GAB2: variants seen among roughly 807,000 people sequenced by gnomAD.
GAB2 encodes the protein GRB2 associated binding protein 2, also known as GRB2-associated-binding protein 2.
In GAB2, 26 loss-of-function variants were observed where a neutral mutation model predicts 65.5. The observed-to-expected ratio is 0.40, with a 90% CI of 0.29 to 0.55. The LOEUF (loss-of-function observed/expected upper bound fraction) is 0.55, where lower values mean the gene tolerates loss of function less well. Among genes scored for constraint, GAB2 ranks in the 20% least tolerant of loss-of-function variants. The pLI is 0.53. For synonymous variants in GAB2, 321 were observed against 329.6 expected (o/e 0.97, Z 0.28); for missense variants, 884 against 875.8 (o/e 1.01, Z -0.12).
intron 3 of GAB2, among the ~76,000 whole-genome samples, chr11:78,243,164 G>GAA (rs937159611): frequency 7.4e-6 from 1 of 135,134 alleles, no homozygotes. Flanking sequence ...ACTCTGTCTA[G>GAA]AAAAAAAAAA....
intron 3 of GAB2, among the ~76,000 whole-genome samples, chr11:78,244,250 G>T (rs531615654): frequency 7.2e-5 from 11 of 152,090 alleles, no homozygotes; most frequent in Non-Finnish European, 1.5e-4. Context: ...AAATTGGCCA[G>T]GCATGGTGGT....
intron 1 of GAB2, among the ~76,000 whole-genome samples, chr11:78,383,171 C>T (rs531693043): frequency 1.2e-4 from 19 of 152,220 alleles, no homozygotes; most frequent in Admixed American, 6.5e-5. Context: ...ACTTGGGAGG[C>T]TGAGGCAGAA....
chr11:78,223,573 C>G lies in GAB2; in HGVS notation c.1406G>C (p.Gly469Ala). The G allele has an allele frequency of 6.2e-7, 1 of 1,613,800 alleles. No individual in the cohort carries two copies. Among genetic ancestry groups the G allele is most frequent in the South Asian group, 1.1e-5 (1 of 91,000 alleles). ...SSTLLAMERA[G>A]DNSQSVYIPM... ...GATGTAGACGCTCTGGGAATTATCA[C>G]CTGCTCGTTCCATGGCCAACAGGGT... is the stretch of plus-strand genomic sequence containing the variant. The change falls in exon 6 of 10, where the codon GGT becomes GCT. Residue 469 changes from glycine to alanine, a missense_variant. Coordinates refer to ENST00000361507, the MANE Select transcript of GAB2 (RefSeq NM_080491.3).
chr11:78,316,996 A>G (rs1427805463), intron 1 of GAB2, among the ~76,000 whole-genome samples: 3 of 152,242 alleles, frequency 2.0e-5, no homozygotes, highest in Admixed American at 6.5e-5. Flanking sequence ...AGCAGGGATG[A>G]ACCTTAAGGG....
intron 1 of GAB2, among the ~76,000 whole-genome samples, chr11:78,387,182 A>G (rs1359860169): frequency 6.6e-6 from 1 of 152,118 alleles, no homozygotes; most frequent in Non-Finnish European, 1.5e-5. Context: ...GCCCCCCACA[A>G]TGGAATATCT....
chr11:78,346,832 G>C (rs913817079), intron 1 of GAB2, among the ~76,000 whole-genome samples: 9 of 150,446 alleles, frequency 6.0e-5, no homozygotes, highest in African/African-American at 1.7e-4. Context: ...CTTTTTAGAG[G>C]GGGGCATTAA....
intron 1 of GAB2, among the ~76,000 whole-genome samples, chr11:78,310,346 CAA>C (rs140896478): frequency 0.18 from 21,319 of 119,950 alleles, 2,093 homozygotes; most frequent in East Asian, 0.42. Flanking sequence ...ACTAAAAATA[CAA>C]AAAAAAAAAA....
At chr11:78,415,585 G>A (rs1857185145) in intron 1 of GAB2, among the ~76,000 whole-genome samples, 1 of 152,192 alleles carries the variant, frequency 6.6e-6, no homozygotes. Flanking sequence ...TCATGTAAGT[G>A]AACACATCAC....
intron 2 of GAB2, among the ~76,000 whole-genome samples, chr11:78,268,058 A>G (rs1329477958): frequency 6.6e-6 from 1 of 152,130 alleles, no homozygotes; most frequent in East Asian, 1.9e-4. Context: ...ATTGTGTGCC[A>G]GCCTTCCCAA....
chr11:78,295,272 G>A (rs1321327558), intron 1 of GAB2, among the ~76,000 whole-genome samples: 2 of 152,028 alleles, frequency 1.3e-5, no homozygotes, highest in African/African-American at 2.4e-5. Context: ...TAGACTTTCC[G>A]GGTCAATAAA....
At position 78,280,802 on chromosome 11, in the gene GAB2, G is replaced by A. The variant is rs1008595547; in HGVS notation, c.175C>T (p.Arg59Trp). The A allele has an allele frequency of 1.2e-6, 2 of 1,613,780 alleles. No individual in the cohort carries two copies. Among genetic ancestry groups the A allele is most frequent in the Non-Finnish European group, 1.7e-6 (2 of 1,179,746 alleles). ...TCACAGAAGTTCAGGTTGATGATCC[G>A]CAGAGGCTTCTTGGAGTGATCGTTC... ...YKNDHSKKPL[R>W]IINLNFCEQV... is the part of the protein sequence containing the mutation. The change falls in exon 2 of 10, where the codon CGG becomes TGG. Residue 59 changes from arginine (R) to tryptophan (W), a missense_variant. Physicochemically the swap from Arg to Trp is moderately radical, Grantham distance 101. Transcript: ENST00000361507.
chr11:78,241,914 A>T (rs1865145758), intron 3 of GAB2, among the ~76,000 whole-genome samples: 1 of 152,236 alleles, frequency 6.6e-6, no homozygotes, highest in Non-Finnish European at 1.5e-5. Flanking sequence ...ACAGAAAATC[A>T]ACAGGGAAAC....
chr11:78,278,630 C>T (rs1866243045), intron 2 of GAB2, among the ~76,000 whole-genome samples: 1 of 152,114 alleles, frequency 6.6e-6, no homozygotes, highest in Admixed American at 6.6e-5. Flanking sequence ...CTGCCTGCCT[C>T]AGCCTCCCAA....
intron 1 of GAB2, among the ~76,000 whole-genome samples, chr11:78,395,015 C>T (rs184221711): frequency 9.6e-4 from 146 of 152,130 alleles, no homozygotes; most frequent in Non-Finnish European, 1.8e-3. Flanking sequence ...CCTTGTCCCT[C>T]GCCCTCTTGC....
At chr11:78,265,282 A>G (rs1033506104) in intron 2 of GAB2, among the ~76,000 whole-genome samples, 1 of 151,794 alleles carries the variant, frequency 6.6e-6, no homozygotes, top group Non-Finnish European at 1.5e-5. Context: ...AACCATCAAC[A>G]TCATTTAAAA....
At chr11:78,384,495 CT>C (rs1481674194) in intron 1 of GAB2, among the ~76,000 whole-genome samples, 1 of 152,222 alleles carries the variant, frequency 6.6e-6, no homozygotes, top group Non-Finnish European at 1.5e-5. Flanking sequence ...TACTAGAGCA[CT>C]TCCTGACCAT....
chr11:78,279,401 G>A (rs1173110163), intron 2 of GAB2, among the ~76,000 whole-genome samples: 3 of 152,068 alleles, frequency 2.0e-5, no homozygotes, highest in Non-Finnish European at 4.4e-5. Flanking sequence ...TTACATCTAG[G>A]GGCTCCCTAA....
intron 1 of GAB2, among the ~76,000 whole-genome samples, chr11:78,307,512 C>T (rs923573931): frequency 2.0e-5 from 3 of 151,678 alleles, no homozygotes; most frequent in African/African-American, 7.3e-5. Context: ...AATCCCAGCA[C>T]TTTGGGAGGC....
rs1864135337 is a variant in GAB2 at position 78,216,156 on chromosome 11, C to CACAG, written c.*3112_*3115dup. ...GCGCAGCTAATCCAACCTCCCATTCCACAGACAGGCAGATCAAGGACTTAA... is the reference window on the plus strand; with the variant it reads ...GCGCAGCTAATCCAACCTCCCATTCCACAGACAGACAGGCAGATCAAGGACTTAA... On this transcript the variant is annotated 3_prime_UTR_variant, in exon 10 of 10. Transcript: ENST00000361507. 1 of 152,608 alleles carries CACAG rather than the reference C, an allele frequency of 6.6e-6. No homozygotes were observed. Among genetic ancestry groups the CACAG allele is most frequent in the Non-Finnish European group, 1.5e-5 (1 of 68,040 alleles). 9.5% of individuals were successfully genotyped at this position (152,608 alleles called of 1,614,324 possible).
Sources: allele counts gnomAD v4.1 joint callset (sites outside exome capture counted in the v4.1 genomes callset), GRCh38; gene constraint gnomAD v4.1.1; transcripts MANE v1.5; gene names NCBI Gene and HGNC (gene_info 2026-07-23, HGNC 2026-07-21).